The following PTGFRN variants were observed in gnomAD, a reference collection of about 807,000 sequenced individuals.
PTGFRN encodes prostaglandin F2 receptor inhibitor.
PTGFRN carries 35 observed loss-of-function variants against 83.2 expected under a neutral mutation model. The observed-to-expected ratio is 0.42, with a 90% CI of 0.32 to 0.56. The LOEUF (loss-of-function observed/expected upper bound fraction) is 0.56. Among genes scored for constraint, PTGFRN ranks in the 20% least tolerant of loss-of-function variants. The pLI is 0.11. For missense variants in PTGFRN, 1,051 were observed against 1,179.5 expected (o/e 0.89, Z 1.60); for synonymous variants, 519 against 498.6 (o/e 1.04, Z -0.55).
intron 4 of PTGFRN, among the ~76,000 whole-genome samples, chr1:116,960,790 T>A (rs768433484): frequency 2.2e-4 from 34 of 152,148 alleles, no homozygotes; most frequent in Non-Finnish European, 4.7e-4. Flanking sequence ...GGGCCTCGAG[T>A]TCTGGAATTT....
intron 1 of PTGFRN, among the ~76,000 whole-genome samples, chr1:116,913,851 A>G (rs971872770): frequency 6.6e-6 from 1 of 152,206 alleles, no homozygotes; most frequent in Non-Finnish European, 1.5e-5. Flanking sequence ...AGTGCAACAT[A>G]AATTGGAGAG....
rs1349813930 is a variant in PTGFRN at position 116,988,486 on chromosome 1, A to C, written c.*1519A>C. ...GTTTTCTGAGGCTCGCTGGTGACTC[A>C]TGCCCTAATTGCAATCCTCTGCTTT... On this transcript the variant is annotated 3_prime_UTR_variant, in exon 9 of 9. Transcript: ENST00000393203. 1 of 152,704 alleles carries C rather than the reference A, an allele frequency of 6.5e-6. No individual in the cohort carries two copies. The highest frequency in any genetic ancestry group is 2.4e-5 in the African/African-American group (1 of 41,444). 9.5% of individuals were successfully genotyped at this position (152,704 alleles called of 1,614,324 possible).
At chr1:116,937,297 G>A (rs981538472) in intron 1 of PTGFRN, among the ~76,000 whole-genome samples, 1 of 152,258 alleles carries the variant, frequency 6.6e-6, no homozygotes, top group Non-Finnish European at 1.5e-5. Context: ...ATCTGAATGA[G>A]ATGGGAAGTG....
rs546081683 is a variant in PTGFRN, at chr1:116,941,015, C to T, written c.50-700C>T. ...TGCCTGTGTCCACTGGGCTTATACC[C>T]GGCAACCAGCTGCTGCATTCCTAAG... On this transcript the variant is annotated intron_variant, in intron 1 of 8. Coordinates refer to ENST00000393203, the MANE Select transcript of PTGFRN (RefSeq NM_020440.4). This position sits in a 1 kb window ranked among gnomAD's most constrained non-coding sequence, Gnocchi z 5.0. 4.5e-4 allele frequency among the ~76,000 whole-genome samples: 68 copies of T among 152,276 alleles called. No individual in the cohort carries two copies. The highest frequency in any genetic ancestry group is 1.5e-3 in the African/African-American group (64 of 41,550).
intron 7 of PTGFRN, among the ~76,000 whole-genome samples, chr1:116,981,710 C>G (rs549650499): frequency 6.6e-6 from 1 of 152,384 alleles, no homozygotes; most frequent in Non-Finnish European, 1.5e-5. Context: ...TTTGTGGCAA[C>G]TATTCAGCAC....
chr1:116,925,652 C>T (rs965595259), intron 1 of PTGFRN, among the ~76,000 whole-genome samples: 6 of 152,150 alleles, frequency 3.9e-5, no homozygotes, highest in Admixed American at 1.3e-4. Context: ...CTGATTCTGC[C>T]TTCCCTAAAA....
chr1:116,944,773 C>G lies in PTGFRN; in HGVS notation c.513C>G (p.Ala171=), dbSNP rs781009041. ...AGCCCTTCGAGCTGCGCTGCACCGCCGCCTCCGCCTCGCCGCTGCACACGC... is the reference window on the plus strand; with the variant it reads ...AGCCCTTCGAGCTGCGCTGCACCGCGGCCTCCGCCTCGCCGCTGCACACGC... ...EGEPFELRCT[A]ASASPLHTHL... is the part of the protein sequence containing the mutation. Residue 171 remains alanine (A), a synonymous_variant, in exon 3 of 9, where the codon GCC becomes GCG. Coordinates refer to ENST00000393203, the MANE Select transcript of PTGFRN (RefSeq NM_020440.4). 9.6e-6 allele frequency: 15 copies of G among 1,554,520 alleles called. No homozygotes were observed. Among genetic ancestry groups the G allele is most frequent in the South Asian group, 3.5e-5 (3 of 84,814 alleles).
chr1:116,912,039 G>A (rs868514163), intron 1 of PTGFRN, among the ~76,000 whole-genome samples: 3 of 152,172 alleles, frequency 2.0e-5, no homozygotes, highest in Non-Finnish European at 4.4e-5. Context: ...AACAACCTGG[G>A]TACCAGTTAT....
chr1:116,970,444 A>G (rs1175406348), intron 6 of PTGFRN, among the ~76,000 whole-genome samples: 2 of 152,064 alleles, frequency 1.3e-5, no homozygotes, highest in Non-Finnish European at 2.9e-5. Flanking sequence ...TGCTGTCTGT[A>G]GGAATCTGTT....
intron 5 of PTGFRN, among the ~76,000 whole-genome samples, chr1:116,964,780 T>C (rs4131408): frequency 0.25 from 38,369 of 152,246 alleles, 5,115 homozygotes; most frequent in Non-Finnish European, 0.3. Context: ...CCAGCACCAT[T>C]GTTCTAGTGG....
rs1268301725 is a variant in PTGFRN at position 116,988,861 on chromosome 1, G to A, written c.*1894G>A. 1 of 152,366 alleles carries A rather than the reference G, an allele frequency of 6.6e-6. No homozygotes were observed. Among genetic ancestry groups the A allele is most frequent in the Admixed American group, 6.5e-5 (1 of 15,286 alleles). The allele number at this position is 152,366 out of a possible 1,614,324, so 9.4% of individuals were successfully genotyped here. A position where few individuals can be genotyped will look rare whatever the true frequency, so the allele number is the denominator to read the frequency against. The stretch of plus-strand genomic sequence containing the variant: ...CAACAAGTATACCCCACCAGGGCCT[G>A]AGTGACTAGAGGAAGAGGACGAGGC... On this transcript the variant is annotated 3_prime_UTR_variant, in exon 9 of 9. Transcript: ENST00000393203.
At chr1:116,929,191 C>T (rs1649731743) in intron 1 of PTGFRN, among the ~76,000 whole-genome samples, 1 of 152,208 alleles carries the variant, frequency 6.6e-6, no homozygotes, top group Non-Finnish European at 1.5e-5. Flanking sequence ...CTCTCTTCTT[C>T]ATTCCCCACA....
chr1:116,927,492 TG>T (rs1484164988), intron 1 of PTGFRN, among the ~76,000 whole-genome samples: 2 of 151,900 alleles, frequency 1.3e-5, no homozygotes, highest in African/African-American at 4.8e-5. Context: ...CCTCACTTGT[TG>T]GTGGCACTGT....
At chr1:116,934,946 C>T (rs1172554829) in intron 1 of PTGFRN, among the ~76,000 whole-genome samples, 1 of 152,190 alleles carries the variant, frequency 6.6e-6, no homozygotes, top group East Asian at 1.9e-4. Context: ...ATAGCCCTTC[C>T]AGGATTGTAA....
At chr1:116,931,020 G>T (rs1418229201) in intron 1 of PTGFRN, among the ~76,000 whole-genome samples, 2 of 152,270 alleles carry the variant, frequency 1.3e-5, no homozygotes, top group East Asian at 3.9e-4. Flanking sequence ...TGAGGCACCT[G>T]TTAGTGCATC....
chr1:116,979,408 G>A (rs1651246717), intron 7 of PTGFRN, among the ~76,000 whole-genome samples: 1 of 152,186 alleles, frequency 6.6e-6, no homozygotes, highest in African/African-American at 2.4e-5. Flanking sequence ...AGCCCGCATT[G>A]CCAAGTCAAT....
chr1:116,970,325 G>A (rs1029954253), intron 6 of PTGFRN, among the ~76,000 whole-genome samples: 1 of 151,782 alleles, frequency 6.6e-6, no homozygotes, highest in African/African-American at 2.4e-5. Flanking sequence ...TTCCTAGTTT[G>A]TTGAGTATTT....
intron 5 of PTGFRN, among the ~76,000 whole-genome samples, chr1:116,962,916 T>C (rs1235097826): frequency 6.6e-6 from 1 of 152,218 alleles, no homozygotes; most frequent in Non-Finnish European, 1.5e-5. Flanking sequence ...TACATTATGA[T>C]AGCACCTTCT....
In PTGFRN at chr1:116,987,460, C is replaced by G. The variant is rs74873663; in HGVS notation, c.*493C>G. On this transcript the variant is annotated 3_prime_UTR_variant, in exon 9 of 9. Transcript: ENST00000393203. ...GCTGACAGACAACACAGACCTGTGC[C>G]GAAGGCTAATTTGTGGCTTTTACGA... 3 of 158,414 alleles carry G rather than the reference C, an allele frequency of 1.9e-5. No homozygotes were observed. Among genetic ancestry groups the G allele is most frequent in the East Asian group, 1.8e-4 (1 of 5,486 alleles). 9.8% of individuals were successfully genotyped at this position (158,414 alleles called of 1,614,324 possible).
Sources: gnomAD v4.1 joint callset for allele counts (sites outside exome capture counted in the v4.1 genomes callset) on GRCh38, gnomAD v4.1.1 for gene constraint, Gnocchi (gnomAD v3.1) non-coding constraint, MANE v1.5 for transcripts, NCBI Gene and HGNC (gene_info 2026-07-23, HGNC 2026-07-21) for gene names.